Variants in CSMD1 observed in about 807,000 individuals in gnomAD.
CSMD1 encodes CUB and Sushi multiple domains 1, also known as CUB and sushi domain-containing protein 1.
A neutral mutation model predicts 417.5 loss-of-function variants in CSMD1; 213 were observed. The observed-to-expected ratio is 0.51, with a 90% CI of 0.46 to 0.57. CSMD1 has a LOEUF of 0.57. Among genes scored for constraint, CSMD1 ranks in the 20% least tolerant of loss-of-function variants. The probability of loss-of-function intolerance (pLI) is 0.00; values close to 1 mark genes in which losing one functional copy is unlikely to be tolerated. For synonymous variants in CSMD1, 2,862 were observed against 1,736.8 expected, an observed-to-expected ratio of 1.65 and a Z score of -16.11; for missense variants, 6,923 against 4,529.7, an observed-to-expected ratio of 1.53 and a Z score of -15.17.
At chr8:4,468,770 G>C (rs954334890) in intron 2 of CSMD1, among the ~76,000 whole-genome samples, 3 of 152,148 alleles carry the variant, frequency 2.0e-5, no homozygotes, top group African/African-American at 4.8e-5. Flanking sequence ...AATCAGCTTA[G>C]CATGTCCTGT....
chr8:3,272,216 G>T (rs1487862086), intron 26 of CSMD1, among the ~76,000 whole-genome samples: 1 of 147,064 alleles, frequency 6.8e-6, no homozygotes, highest in Non-Finnish European at 1.5e-5. Context: ...GTTTTACTCA[G>T]GTTTGTCAAA....
chr8:3,256,523 T>C (rs1010911603), intron 26 of CSMD1, among the ~76,000 whole-genome samples: 1 of 152,330 alleles, frequency 6.6e-6, no homozygotes, highest in South Asian at 2.1e-4. Context: ...TCCTTTAGGA[T>C]TTATTGCATG....
chr8:4,830,879 A>T (rs1444334999), intron 1 of CSMD1, among the ~76,000 whole-genome samples: 1 of 152,204 alleles, frequency 6.6e-6, no homozygotes, highest in East Asian at 1.9e-4. Context: ...GAAAATCAAG[A>T]TGATTCCTCT....
At chr8:4,443,842 T>C (rs1253573435) in intron 2 of CSMD1, among the ~76,000 whole-genome samples, 1 of 152,194 alleles carries the variant, frequency 6.6e-6, no homozygotes, top group Non-Finnish European at 1.5e-5. Context: ...AGTAACGAAC[T>C]TCTGGGTAAC....
At chr8:4,412,761 A>G (rs1240867592) in intron 3 of CSMD1, among the ~76,000 whole-genome samples, 1 of 152,232 alleles carries the variant, frequency 6.6e-6, no homozygotes, top group Non-Finnish European at 1.5e-5. Flanking sequence ...TAGACTACTT[A>G]CATTGATACC....
At chr8:4,477,714 AT>A (rs1800880810) in intron 2 of CSMD1, among the ~76,000 whole-genome samples, 1 of 152,296 alleles carries the variant, frequency 6.6e-6, no homozygotes, top group African/African-American at 2.4e-5. Context: ...ACCTTTGTCA[AT>A]TATGCACATA....
rs139933674 is a variant in CSMD1, at chr8:3,555,030, C to T, written c.1344+19915G>A. Among the ~76,000 whole-genome samples the T allele has an allele frequency of 2.0e-4, 30 of 152,158 alleles. No individual in the cohort carries two copies. In the East Asian group the frequency reaches 2.7e-3, roughly 14 times the overall value. Reference sequence around the variant, plus strand: ...TGAGGAGGAAGGGAAGAAGACTGTGCGTGAGGAGTCCTCCGCCAGGGAAGG... The same window carrying T: ...TGAGGAGGAAGGGAAGAAGACTGTGTGTGAGGAGTCCTCCGCCAGGGAAGG... On this transcript the variant is annotated intron_variant, in intron 10 of 69. Transcript: ENST00000635120.
Position 2,965,795 on chromosome 8 carries a change from G to A in CSMD1, c.9260C>T (p.Pro3087Leu), listed in dbSNP as rs150713388. 243 of 1,608,052 alleles carry A rather than the reference G, an allele frequency of 1.5e-4. 2 individuals carry two copies. The African/African-American group carries it at 2.5e-3, about 17-fold the overall frequency. ...CAAACCTTTGCAGACAGGTTTGCTCGGATTCCACCTGCCGTCTTTGGTACA... is the reference window on the plus strand; with the variant it reads ...CAAACCTTTGCAGACAGGTTTGCTCAGATTCCACCTGCCGTCTTTGGTACA... ...IRCTKDGRWN[P>L]SKPVCKAVLC... is the part of the protein sequence containing the mutation. The change falls in exon 59 of 70, where the codon CCG (proline) becomes CTG (leucine). Residue 3087 changes from proline (P) to leucine (L), a missense_variant. Physicochemically the swap from Pro to Leu is moderately conservative, Grantham distance 98. Transcript: ENST00000635120.
chr8:3,207,809 TCACTCTAAAA>T (rs1274636588), intron 30 of CSMD1, among the ~76,000 whole-genome samples: 2 of 152,206 alleles, frequency 1.3e-5, no homozygotes, highest in African/African-American at 4.8e-5. Context: ...AATCATGTTA[TCACTCTAAAA>T]CACTTCTCTA....
intron 3 of CSMD1, among the ~76,000 whole-genome samples, chr8:4,056,318 G>A (rs995371308): frequency 1.3e-5 from 2 of 151,376 alleles, no homozygotes; most frequent in African/African-American, 4.8e-5. Context: ...CCTGACCTTA[G>A]GTGATCCACC....
At chr8:3,970,533 G>C (rs1813007197) in intron 5 of CSMD1, among the ~76,000 whole-genome samples, 1 of 152,116 alleles carries the variant, frequency 6.6e-6, no homozygotes, top group Non-Finnish European at 1.5e-5. Flanking sequence ...GACGATTAAG[G>C]ACCCTGAAGC....
At chr8:3,479,001 A>G (rs1336607566) in intron 11 of CSMD1, among the ~76,000 whole-genome samples, 1 of 151,836 alleles carries the variant, frequency 6.6e-6, no homozygotes, top group Non-Finnish European at 1.5e-5. Flanking sequence ...CCTCACCAAC[A>G]TCTCCCCAAG....
intron 4 of CSMD1, among the ~76,000 whole-genome samples, chr8:4,026,428 G>A (rs142579571): frequency 2.0e-5 from 3 of 152,294 alleles, no homozygotes; most frequent in Non-Finnish European, 4.4e-5. Flanking sequence ...AAGACACTTA[G>A]CTGACTGTTA....
chr8:3,520,796 G>T (rs1019589358), intron 10 of CSMD1, among the ~76,000 whole-genome samples: 2 of 151,978 alleles, frequency 1.3e-5, no homozygotes, highest in African/African-American at 4.8e-5. Flanking sequence ...CACCACATCT[G>T]TAGAGGAAAT....
At chr8:4,493,009 G>T (rs1377898171) in intron 2 of CSMD1, among the ~76,000 whole-genome samples, 2 of 152,190 alleles carry the variant, frequency 1.3e-5, no homozygotes, top group East Asian at 3.9e-4. Flanking sequence ...GATCAAGGTT[G>T]TGTCAGAATA....
At chr8:4,967,727 T>C (rs1809973028) in intron 1 of CSMD1, among the ~76,000 whole-genome samples, 1 of 152,190 alleles carries the variant, frequency 6.6e-6, no homozygotes, top group Admixed American at 6.5e-5. Flanking sequence ...GTCGTTCACA[T>C]AGCATTAGTT....
chr8:4,486,250 CATAT>C (rs376449969), intron 2 of CSMD1, among the ~76,000 whole-genome samples: 208 of 13,184 alleles, frequency 0.016, 3 homozygotes, highest in African/African-American at 0.048. Context: ...TATATACATA[CATAT>C]ATATATATAT....
chr8:4,594,682 C>T (rs1434424819), intron 2 of CSMD1, among the ~76,000 whole-genome samples: 9 of 152,134 alleles, frequency 5.9e-5, no homozygotes, highest in African/African-American at 2.2e-4. Flanking sequence ...CATGTGTTGC[C>T]TTTGTAATCA....
intron 31 of CSMD1, 32 bp downstream of exon 31, chr8:3,205,472 A>G (rs1435772770): frequency 1.9e-6 from 2 of 1,056,544 alleles, no homozygotes; most frequent in Admixed American, 2.2e-5. Context: ...AGGAAATATG[A>G]CAATGAATTA....
Sources: gnomAD v4.1 joint callset for allele counts (sites outside exome capture counted in the v4.1 genomes callset) on GRCh38, gnomAD v4.1.1 for gene constraint, MANE v1.5 for transcripts, NCBI Gene and HGNC (gene_info 2026-07-23, HGNC 2026-07-21) for gene names.